Variants in CDKAL1 observed in about 807,000 individuals in gnomAD.
The protein encoded by CDKAL1 is threonylcarbamoyladenosine tRNA methylthiotransferase.
In CDKAL1, 32 loss-of-function variants were observed where a neutral mutation model predicts 68.2. The ratio of observed to expected loss-of-function variants is 0.47; its 90% CI spans 0.35 to 0.63. The LOEUF (loss-of-function observed/expected upper bound fraction) is 0.63. Among genes scored for constraint, CDKAL1 ranks in the 30% least tolerant of loss-of-function variants. The pLI, the probability that CDKAL1 is intolerant of heterozygous loss-of-function variation, is 0.00. For missense variants in CDKAL1, 606 were observed against 696.7 expected (o/e 0.87, Z 1.47); for synonymous variants, 234 against 244.3 (o/e 0.96, Z 0.39).
intron 15 of CDKAL1, among the ~76,000 whole-genome samples, chr6:21,209,349 G>A (rs567339349): frequency 2.0e-5 from 3 of 152,258 alleles, no homozygotes; most frequent in South Asian, 2.1e-4. Flanking sequence ...CTAGCTAAGC[G>A]CTAAGGAAAA....
intron 9 of CDKAL1, among the ~76,000 whole-genome samples, chr6:20,920,704 G>A (rs1482889805): frequency 1.3e-5 from 2 of 151,964 alleles, no homozygotes; most frequent in Non-Finnish European, 2.9e-5. Flanking sequence ...ATTGTTTGTG[G>A]GCTGTATGCC....
At chr6:20,853,255 G>T (rs1315338120) in intron 9 of CDKAL1, among the ~76,000 whole-genome samples, 1 of 152,012 alleles carries the variant, frequency 6.6e-6, no homozygotes, top group African/African-American at 2.4e-5. Flanking sequence ...GGTGGCGCAC[G>T]CCTGTAACCC....
At chr6:20,769,636 T>G (rs1199881195) in intron 7 of CDKAL1, among the ~76,000 whole-genome samples, 2 of 152,228 alleles carry the variant, frequency 1.3e-5, no homozygotes, top group Non-Finnish European at 2.9e-5. Flanking sequence ...AATCTGACTT[T>G]AACTTCTAGT....
At chr6:20,894,478 A>T (rs893401555) in intron 9 of CDKAL1, among the ~76,000 whole-genome samples, 1 of 149,930 alleles carries the variant, frequency 6.7e-6, no homozygotes, top group Non-Finnish European at 1.5e-5. Flanking sequence ...TAATACTTCA[A>T]ATTTTTTTAC....
At chr6:20,754,347 G>A (rs1172407951) in intron 6 of CDKAL1, among the ~76,000 whole-genome samples, 4 of 152,106 alleles carry the variant, frequency 2.6e-5, no homozygotes, top group African/African-American at 9.7e-5. Flanking sequence ...TGTTTTTTCA[G>A]TAGTGGTAAA....
intron 13 of CDKAL1, among the ~76,000 whole-genome samples, chr6:21,176,911 C>T (rs2151081891): frequency 6.6e-6 from 1 of 151,936 alleles, no homozygotes; most frequent in East Asian, 1.9e-4. Context: ...CTTGGCCAGG[C>T]TGGTGTTGAA....
intron 9 of CDKAL1, among the ~76,000 whole-genome samples, chr6:20,851,469 C>T (rs541281391): frequency 2.0e-5 from 3 of 152,258 alleles, no homozygotes; most frequent in African/African-American, 7.2e-5. Context: ...ACACCTTTCA[C>T]CGCACTGTCT....
rs897163867 is a variant in CDKAL1 at position 20,689,571 on chromosome 6, A to T, written c.371+40194A>T. ...CAACTTCCAAGCTTCTCAGATGCTG[A>T]ACTGGAAACCTGAAGTCCCCACAAC... On this transcript the variant is annotated intron_variant, in intron 5 of 15. Transcript: ENST00000274695. Among the ~76,000 whole-genome samples, 9 of 152,318 alleles carry T rather than the reference A, an allele frequency of 5.9e-5. No individual in the cohort carries two copies. The East Asian group carries it at 1.5e-3, about 26-fold the overall frequency.
intron 5 of CDKAL1, among the ~76,000 whole-genome samples, chr6:20,727,832 A>G (rs780766992): frequency 5.9e-5 from 9 of 152,142 alleles, no homozygotes; most frequent in Non-Finnish European, 1.2e-4. Context: ...TGATAATACT[A>G]CACCAGACTT....
intron 12 of CDKAL1, among the ~76,000 whole-genome samples, chr6:21,096,133 A>G (rs759483607): frequency 4.6e-5 from 7 of 152,234 alleles, no homozygotes; most frequent in Non-Finnish European, 8.8e-5. Context: ...GGGCTTATCT[A>G]GAGATGCAGC....
At chr6:20,958,319 G>GCTGTTTCTT (rs1764889680) in intron 10 of CDKAL1, among the ~76,000 whole-genome samples, 1 of 152,150 alleles carries the variant, frequency 6.6e-6, no homozygotes, top group Admixed American at 6.5e-5. Flanking sequence ...TTCACACCTT[G>GCTGTTTCTT]CTGTTTCTTC....
intron 13 of CDKAL1, among the ~76,000 whole-genome samples, chr6:21,140,767 C>A (rs914714214): frequency 6.6e-6 from 1 of 152,174 alleles, no homozygotes; most frequent in Admixed American, 6.5e-5. Flanking sequence ...ACTTGTCCTG[C>A]TTGCTATGTG....
At chr6:20,553,720 C>A (rs964013687) in intron 4 of CDKAL1, among the ~76,000 whole-genome samples, 2 of 152,202 alleles carry the variant, frequency 1.3e-5, no homozygotes, top group Admixed American at 6.5e-5. Context: ...AAATGATTCT[C>A]CTGCCTCGGC....
chr6:20,769,415 T>C (rs1290598555), intron 7 of CDKAL1, among the ~76,000 whole-genome samples: 2 of 152,040 alleles, frequency 1.3e-5, no homozygotes, highest in African/African-American at 4.8e-5. Flanking sequence ...TGCACCACTA[T>C]GCTTGGCTTA....
At chr6:20,586,316 GC>G (rs1487526657) in intron 4 of CDKAL1, among the ~76,000 whole-genome samples, 4 of 152,138 alleles carry the variant, frequency 2.6e-5, no homozygotes, top group African/African-American at 9.7e-5. Flanking sequence ...AATTCACAAT[GC>G]TGTCTAGTAC....
chr6:20,677,823 T>C (rs1169555496), intron 5 of CDKAL1, among the ~76,000 whole-genome samples: 1 of 152,242 alleles, frequency 6.6e-6, no homozygotes, highest in African/African-American at 2.4e-5. Context: ...TGCTGATGCA[T>C]AGTGTGCTCA....
intron 5 of CDKAL1, among the ~76,000 whole-genome samples, chr6:20,677,422 G>A (rs143294893): frequency 2.7e-5 from 4 of 150,712 alleles, no homozygotes; most frequent in South Asian, 2.1e-4. Flanking sequence ...TTCAACGAAG[G>A]CTTTATTTTT....
chr6:20,725,411 T>C (rs1245585717), intron 5 of CDKAL1, among the ~76,000 whole-genome samples: 1 of 152,252 alleles, frequency 6.6e-6, no homozygotes, highest in Non-Finnish European at 1.5e-5. Context: ...AAGGTGAGTT[T>C]TGAATGCAGT....
intron 6 of CDKAL1, among the ~76,000 whole-genome samples, chr6:20,747,754 G>A (rs1773724221): frequency 6.6e-6 from 1 of 152,126 alleles, no homozygotes; most frequent in Admixed American, 6.5e-5. Flanking sequence ...TATATGGTTT[G>A]CAAATATTTT....
Sources: gnomAD v4.1 joint callset for allele counts (sites outside exome capture counted in the v4.1 genomes callset) on GRCh38, gnomAD v4.1.1 for gene constraint, MANE v1.5 for transcripts, NCBI Gene and HGNC (gene_info 2026-07-23, HGNC 2026-07-21) for gene names.